The following MTMR9 variants were observed in gnomAD, a reference collection of about 807,000 sequenced individuals.
The protein encoded by MTMR9 is myotubularin-related protein 9.
A neutral mutation model predicts 69.5 loss-of-function variants in MTMR9; 39 were observed. That is an observed-to-expected ratio of 0.56 (90% CI 0.43 to 0.73). MTMR9 has a LOEUF of 0.73. Among genes scored for constraint, MTMR9 ranks in the 30% least tolerant of loss-of-function variants. The probability of loss-of-function intolerance (pLI) is 0.00; values close to 1 mark genes in which losing one functional copy is unlikely to be tolerated. For synonymous variants in MTMR9, 354 were observed against 240.8 expected (o/e 1.47, Z -4.35); for missense variants, 900 against 671.2 (o/e 1.34, Z -3.77).
chr8:11,318,841 A>G (rs1164419711), intron 8 of MTMR9: 1 of 152,200 alleles, frequency 6.6e-6, no homozygotes, highest in African/African-American at 2.4e-5. Flanking sequence ...CTAAGTCTCT[A>G]AAAAATTTTA....
chr8:11,330,982 G>A (rs567121484), downstream of MTMR9: 3,430 of 1,453,230 alleles, frequency 2.4e-3, 14 homozygotes, highest in Non-Finnish European at 2.2e-3. Context: ...GAAAATAGGC[G>A]TGCTACCACC....
intron 6 of MTMR9, among the ~76,000 whole-genome samples, chr8:11,313,624 C>G (rs1444056598): frequency 2.0e-5 from 3 of 152,118 alleles, no homozygotes; most frequent in African/African-American, 7.2e-5. Flanking sequence ...GGCCTAATGT[C>G]AATATTGTTG....
chr8:11,297,706 G>T (rs1464349689), intron 2 of MTMR9, among the ~76,000 whole-genome samples: 1 of 152,126 alleles, frequency 6.6e-6, no homozygotes, highest in Non-Finnish European at 1.5e-5. Context: ...TGCTGACGCT[G>T]ATCAGTTGTT....
chr8:11,304,974 G>A lies in MTMR9; in HGVS notation c.551G>A (p.Arg184His), dbSNP rs764306900. 6 of 1,614,054 alleles carry A rather than the reference G, an allele frequency of 3.7e-6. No individual in the cohort carries two copies. Among genetic ancestry groups the A allele is most frequent in the Non-Finnish European group, 2.5e-6 (3 of 1,179,962 alleles). The change falls in exon 4 of 10, where the codon CGC becomes CAC. Residue 184 changes from arginine (R) to histidine (H), a missense_variant. Transcript: ENST00000221086. ...RKVATFRHGG[R>H]FPVLSYYHKK... ...GTAGCTACATTTCGACATGGAGGGCGCTTCCCAGTACTAAGCTATTACCAC... is the reference window on the plus strand; with the variant it reads ...GTAGCTACATTTCGACATGGAGGGCACTTCCCAGTACTAAGCTATTACCAC...
In MTMR9 at chr8:11,306,241, A is replaced by C. The variant is rs1298843133; in HGVS notation, c.643A>C (p.Lys215Gln). The C allele has an allele frequency of 6.2e-7, 1 of 1,613,652 alleles. No homozygotes were observed. The highest frequency in any genetic ancestry group is 1.3e-5 in the African/African-American group (1 of 74,912). ...PLTGTNGRRC[K>Q]EDEKLINATL... The stretch of plus-strand genomic sequence containing the variant: ...CACTGGTACAAACGGGAGGAGGTGC[A>C]AGGAGGACGAGAAGCTGATAAATGC... The change falls in exon 5 of 10, where the codon AAG becomes CAG. Residue 215 changes from lysine to glutamine, a missense_variant. Lys to Gln is a moderately conservative substitution (Grantham distance 53). Coordinates refer to ENST00000221086, the MANE Select transcript of MTMR9 (RefSeq NM_015458.4).
intron 7 of MTMR9, 96 bp from the exon 8 acceptor site, chr8:11,316,577 G>A (rs1800423624): frequency 1.3e-5 from 9 of 667,292 alleles, no homozygotes; most frequent in South Asian, 1.2e-4. Context: ...CCAGGTACTA[G>A]GAGTGTCACT....
At chr8:11,301,520 A>G (rs1799747966) in intron 3 of MTMR9, among the ~76,000 whole-genome samples, 1 of 152,248 alleles carries the variant, frequency 6.6e-6, no homozygotes, top group Non-Finnish European at 1.5e-5. Context: ...GTATTATGCA[A>G]CTAAACATGA....
chr8:11,307,827 C>A (rs1241829757), intron 5 of MTMR9, among the ~76,000 whole-genome samples: 1 of 151,834 alleles, frequency 6.6e-6, no homozygotes, highest in African/African-American at 2.4e-5. Context: ...TTTTCAAATA[C>A]CTATTGGCCA....
intron 9 of MTMR9, chr8:11,321,352 T>C (rs1215394054): frequency 2.2e-6 from 1 of 455,004 alleles, no homozygotes; most frequent in Non-Finnish European, 4.4e-6. Flanking sequence ...GGTTACAGTA[T>C]TCTTCCTGTT....
At chr8:11,293,743 G>C (rs1303089712) in intron 1 of MTMR9, among the ~76,000 whole-genome samples, 4 of 150,744 alleles carry the variant, frequency 2.7e-5, no homozygotes, top group Non-Finnish European at 5.9e-5. Context: ...TATGGTTCAT[G>C]ATTATAGATT....
downstream of MTMR9, among the ~76,000 whole-genome samples, chr8:11,329,931 C>G (rs1395705731): frequency 1.3e-5 from 2 of 151,694 alleles, no homozygotes; most frequent in African/African-American, 4.8e-5. Flanking sequence ...CGGCTGCGAC[C>G]CCGTCTGGGA....
At chr8:11,315,622 C>G (rs1038987874) in intron 7 of MTMR9, among the ~76,000 whole-genome samples, 2 of 152,138 alleles carry the variant, frequency 1.3e-5, no homozygotes, top group African/African-American at 4.8e-5. Flanking sequence ...AACACAAATG[C>G]TTACATATCT....
rs185360823 is a variant in MTMR9 at position 11,302,584 on chromosome 8, A to G, written c.418-2257A>G. Among the ~76,000 whole-genome samples the G allele has an allele frequency of 7.5e-4, 114 of 152,324 alleles. No homozygotes were observed. In the East Asian group the frequency reaches 0.011, roughly 15 times the overall value. ...TTAGAGTTGGATTTGAAGGAAATTT[A>G]TTTAATCTGATAAAGGATGGGTACC... On this transcript the variant is annotated intron_variant, in intron 3 of 9. Transcript: ENST00000221086.
intron 2 of MTMR9, among the ~76,000 whole-genome samples, chr8:11,298,435 A>G (rs1294123497): frequency 2.6e-5 from 4 of 152,040 alleles, no homozygotes; most frequent in Admixed American, 6.6e-5. Context: ...ATGCTTCTCT[A>G]TATTTTGTTT....
At chr8:11,307,930 C>G (rs959814981) in intron 5 of MTMR9, among the ~76,000 whole-genome samples, 1 of 152,096 alleles carries the variant, frequency 6.6e-6, no homozygotes, top group Non-Finnish European at 1.5e-5. Flanking sequence ...GAGTTTCTTA[C>G]ATATTTTGGA....
chr8:11,317,641 G>A (rs1198050024), intron 8 of MTMR9: 1 of 152,202 alleles, frequency 6.6e-6, no homozygotes, highest in Non-Finnish European at 1.5e-5. Context: ...GGGGATCCCT[G>A]GCCTAAATTA....
rs976676633 is a variant in MTMR9 at position 11,284,927 on chromosome 8, C to G, written c.39C>G (p.Asp13Glu). ...FAELIKTPRV[D>E]NVVLHRPFYP... is the part of the protein sequence containing the mutation. Reference sequence around the variant, plus strand: ...AGCTGATTAAGACCCCGCGGGTGGACAATGTGGTGCTGCACCGGCCTTTCT... The same window carrying G: ...AGCTGATTAAGACCCCGCGGGTGGAGAATGTGGTGCTGCACCGGCCTTTCT... Residue 13 changes from aspartate to glutamate, a missense_variant, in exon 1 of 10, where the codon GAC becomes GAG. By Grantham distance (45) the Asp-to-Glu change is conservative (BLOSUM62 2). Coordinates refer to ENST00000221086, the MANE Select transcript of MTMR9 (RefSeq NM_015458.4). The G allele has an allele frequency of 1.2e-6, 2 of 1,612,350 alleles. No homozygotes were observed. The highest frequency in any genetic ancestry group is 1.7e-5 in the Admixed American group (1 of 59,754).
intron 6 of MTMR9, among the ~76,000 whole-genome samples, chr8:11,311,312 A>G (rs1432909637): frequency 6.6e-6 from 1 of 152,238 alleles, no homozygotes; most frequent in Non-Finnish European, 1.5e-5. Flanking sequence ...CAATGTAACA[A>G]AAATTGGCAT....
Position 11,326,561 on chromosome 8 carries a change from G to C in MTMR9, c.*3773G>C, listed in dbSNP as rs1182391675. The C allele has an allele frequency of 1.3e-5, 2 of 152,168 alleles. No homozygotes were observed. Among genetic ancestry groups the C allele is most frequent in the Non-Finnish European group, 1.5e-5 (1 of 68,036 alleles). 9.4% of individuals were successfully genotyped at this position (152,168 alleles called of 1,614,324 possible). On this transcript the variant is annotated 3_prime_UTR_variant, in exon 10 of 10. Coordinates refer to ENST00000221086, the MANE Select transcript of MTMR9 (RefSeq NM_015458.4). ...TTTCCAGGTTTATACTATACCTCAA[G>C]ACCACATAGATTAGCTACTGCTTAT...
Sources: allele counts gnomAD v4.1 joint callset (sites outside exome capture counted in the v4.1 genomes callset), GRCh38; gene constraint gnomAD v4.1.1; transcripts MANE v1.5; gene names NCBI Gene and HGNC (gene_info 2026-07-23, HGNC 2026-07-21).